The following THBS4 variants were observed in gnomAD, a reference collection of about 807,000 sequenced individuals.
THBS4 encodes the protein thrombospondin-4.
THBS4 carries 90 observed loss-of-function variants against 115.7 expected under a neutral mutation model. The ratio of observed to expected loss-of-function variants is 0.78; its 90% CI spans 0.66 to 0.93. THBS4 has a LOEUF of 0.93. Among genes scored for constraint, THBS4 ranks in the 40% least tolerant of loss-of-function variants. THBS4 has a pLI of 0.00. For missense variants in THBS4, 1,087 were observed against 1,232.7 expected (o/e 0.88, Z 1.77); for synonymous variants, 460 against 479.3 (o/e 0.96, Z 0.53).
intron 2 of THBS4, among the ~76,000 whole-genome samples, chr5:80,000,363 A>G (rs774440425): frequency 2.0e-4 from 31 of 152,188 alleles, no homozygotes; most frequent in Non-Finnish European, 4.4e-4. Flanking sequence ...GCTTTTGACC[A>G]CAAAGTCTAC....
intron 2 of THBS4, among the ~76,000 whole-genome samples, chr5:80,009,534 T>C (rs114441892): frequency 6.6e-6 from 1 of 152,180 alleles, no homozygotes; most frequent in Non-Finnish European, 1.5e-5. Context: ...GGTTGTGTAG[T>C]GAGAGTCACT....
chr5:80,039,417 G>A (rs1421835218), intron 1 of THBS4, among the ~76,000 whole-genome samples: 1 of 152,220 alleles, frequency 6.6e-6, no homozygotes, highest in Non-Finnish European at 1.5e-5. Flanking sequence ...TCTGATTTTT[G>A]TAGAGCAATT....
At chr5:80,052,141 A>G (rs1006115965) in intron 2 of THBS4, among the ~76,000 whole-genome samples, 2 of 152,316 alleles carry the variant, frequency 1.3e-5, no homozygotes. Context: ...CTAAATAGTA[A>G]TGTAATAGAA....
rs145009907 is a variant in THBS4, at chr5:80,073,511, G to A, written c.1892+184G>A. ...CCATTCTTCTGCCTCAGCCTCCCAA[G>A]TAGCTGGGACTACAGGCGCCCGCTA... On this transcript the variant is annotated intron_variant, in intron 15 of 21. Coordinates refer to ENST00000350881, the MANE Select transcript of THBS4 (RefSeq NM_003248.6). 4.3e-3 allele frequency among the ~76,000 whole-genome samples: 653 copies of A among 152,112 alleles called. 1 individual carries two copies. The highest frequency in any genetic ancestry group is 0.017 in the Middle Eastern group (5 of 294).
At chr5:80,024,515 A>G (rs922584137) in intron 2 of THBS4, among the ~76,000 whole-genome samples, 10 of 152,166 alleles carry the variant, frequency 6.6e-5, no homozygotes, top group East Asian at 5.8e-4. Flanking sequence ...TATTCATCCA[A>G]GAGCGTAAAG....
At position 80,059,732 on chromosome 5, in the gene THBS4, A is replaced by G. The variant is rs768156225; in HGVS notation, c.814A>G (p.Ser272Gly). 6.2e-7 allele frequency: 1 copy of G among 1,614,210 alleles called. No individual in the cohort carries two copies. The highest frequency in any genetic ancestry group is 8.5e-7 in the Non-Finnish European group (1 of 1,180,034). ...TCTCAAGTTTCAGTCTCCGACCCCA[A>G]GCACGGTGGTGCCCCCGGCTCCCCC... ...GPLKFQSPTP[S>G]TVVPPAPPAP... is the part of the protein sequence containing the mutation. Residue 272 changes from serine to glycine, a missense_variant, in exon 7 of 22, where the codon AGC (serine) becomes GGC (glycine). Transcript: ENST00000350881.
upstream of THBS4, chr5:80,035,306 C>G (rs1395705456): frequency 1.2e-5 from 2 of 160,642 alleles, no homozygotes; most frequent in African/African-American, 4.8e-5. This position sits in a 1 kb window ranked among gnomAD's most constrained non-coding sequence, Gnocchi z 4.6. Context: ...CCCTCCCCCG[C>G]CCGGCCGCAC....
At chr5:80,011,088 T>C (rs1417672617) in intron 2 of THBS4, among the ~76,000 whole-genome samples, 2 of 152,226 alleles carry the variant, frequency 1.3e-5, no homozygotes, top group Non-Finnish European at 2.9e-5. Context: ...CATGCTATTC[T>C]TGTGATAGTG....
At chr5:80,022,025 G>A (rs1490075184) in intron 2 of THBS4, among the ~76,000 whole-genome samples, 1 of 152,092 alleles carries the variant, frequency 6.6e-6, no homozygotes, top group Non-Finnish European at 1.5e-5. Context: ...TACACTGAGG[G>A]TGCGACTCCT....
intron 2 of THBS4, among the ~76,000 whole-genome samples, chr5:80,041,866 T>C (rs1026490482): frequency 3.9e-5 from 6 of 152,230 alleles, no homozygotes; most frequent in African/African-American, 1.4e-4. Flanking sequence ...AAGTGGACAC[T>C]TCCTAGTGCT....
chr5:80,070,443 G>A (rs1278326768), intron 11 of THBS4, 33 bp downstream of exon 11: 31 of 1,583,818 alleles, frequency 2.0e-5, no homozygotes, highest in Admixed American at 5.0e-5. Flanking sequence ...AGGCACACAT[G>A]CACTGTGGCT....
intron 3 of THBS4, among the ~76,000 whole-genome samples, chr5:80,057,875 T>C (rs1330934831): frequency 6.6e-6 from 1 of 152,212 alleles, no homozygotes; most frequent in African/African-American, 2.4e-5. Flanking sequence ...TATTATTATC[T>C]AAATTCCATA....
At chr5:79,993,177 G>T (rs1831722060) in intron 1 of THBS4, among the ~76,000 whole-genome samples, 1 of 152,214 alleles carries the variant, frequency 6.6e-6, no homozygotes, top group Non-Finnish European at 1.5e-5. Flanking sequence ...GCATTAAAGA[G>T]AAATTAAATC....
Position 80,079,267 on chromosome 5 carries a change from G to A in THBS4, c.2511+9G>A. The A allele has an allele frequency of 6.3e-7, 1 of 1,584,184 alleles. No individual in the cohort carries two copies. Among genetic ancestry groups the A allele is most frequent in the Non-Finnish European group, 8.6e-7 (1 of 1,164,522 alleles). ...CTGGCATTCAGCTCAAGGTATTGGT[G>A]GTTTGAAGTCATTCATCTCCCTTTC... is the stretch of plus-strand genomic sequence containing the variant. On this transcript the variant is annotated intron_variant, in intron 19 of 21. Transcript: ENST00000350881.
At chr5:80,054,851 T>C (rs1354490285) in intron 2 of THBS4, among the ~76,000 whole-genome samples, 5 of 152,164 alleles carry the variant, frequency 3.3e-5, no homozygotes, top group Admixed American at 6.5e-5. Flanking sequence ...CGATTTGATG[T>C]GTGCTGACTA....
intron 17 of THBS4, 148 bp from the exon 18 acceptor site, chr5:80,078,773 A>ATAGAGCAACTATTTCAGATAATGAAAT: frequency 3.1e-6 from 2 of 652,616 alleles, no homozygotes; most frequent in Admixed American, 6.2e-5. Flanking sequence ...ACATAACACA[A>ATAGAGCAACTATTTCAGATAATGAAAT]TAGAGCAACT....
intron 2 of THBS4, among the ~76,000 whole-genome samples, chr5:80,009,798 T>C (rs375682973): frequency 1.1e-4 from 17 of 152,160 alleles, no homozygotes; most frequent in Non-Finnish European, 1.2e-4. Context: ...TCACTAAATT[T>C]AGGGGCCAAG....
At chr5:80,003,086 A>G (rs1164014825) in intron 2 of THBS4, among the ~76,000 whole-genome samples, 1 of 152,150 alleles carries the variant, frequency 6.6e-6, no homozygotes, top group Non-Finnish European at 1.5e-5. Context: ...GGCAAGTAGA[A>G]TATTGTGGTT....
At chr5:80,049,104 C>T (rs1226313704) in intron 2 of THBS4, among the ~76,000 whole-genome samples, 2 of 152,236 alleles carry the variant, frequency 1.3e-5, no homozygotes, top group Non-Finnish European at 2.9e-5. Flanking sequence ...ATTTCCAGTT[C>T]TTTAAAGCTG....
Sources: allele counts gnomAD v4.1 joint callset (sites outside exome capture counted in the v4.1 genomes callset), GRCh38; gene constraint gnomAD v4.1.1; non-coding constraint Gnocchi (gnomAD v3.1); transcripts MANE v1.5; gene names NCBI Gene and HGNC (gene_info 2026-07-23, HGNC 2026-07-21).